SULF2: variants seen among roughly 807,000 people sequenced by gnomAD.
The protein encoded by SULF2 is sulfatase 2.
In SULF2, 52 loss-of-function variants were observed where a neutral mutation model predicts 107.7. The observed-to-expected ratio is 0.48, with a 90% confidence interval of 0.39 to 0.61. The LOEUF (loss-of-function observed/expected upper bound fraction) is 0.61, where lower values mean the gene tolerates loss of function less well. SULF2 is among the 20% of genes least tolerant of loss of function. SULF2 has a pLI of 0.00. For missense variants in SULF2, 993 were observed against 1,177.3 expected (o/e 0.84, Z 2.29); for synonymous variants, 460 against 464.3 (o/e 0.99, Z 0.12).
At chr20:47,741,755 C>T (rs1206016761) in intron 2 of SULF2, among the ~76,000 whole-genome samples, 5 of 152,120 alleles carry the variant, frequency 3.3e-5, no homozygotes, top group Admixed American at 6.5e-5. Context: ...GTCTCCAGAC[C>T]CTGCAGAAAG....
intron 1 of SULF2, among the ~76,000 whole-genome samples, chr20:47,782,562 C>T (rs1224724475): frequency 3.3e-5 from 5 of 152,138 alleles, no homozygotes; most frequent in African/African-American, 1.2e-4. Context: ...ACCCCCAGGG[C>T]CAGGCCATCG....
Position 47,705,808 on chromosome 20 carries a change from T to TC in SULF2, c.416-3139_416-3138insG, listed in dbSNP as rs1415993892. The stretch of plus-strand genomic sequence containing the variant: ...AGAAACCTTTTCTTTTCTTTTCTTT[T>TC]TTTTTTTTTTGAGAGAGGGTCTCGC... On this transcript the variant is annotated intron_variant, in intron 3 of 20. Transcript: ENST00000688720. 1.3e-3 allele frequency among the ~76,000 whole-genome samples: 198 copies of TC among 150,376 alleles called. 1 individual carries two copies. The highest frequency in any genetic ancestry group is 2.4e-3 in the Non-Finnish European group (163 of 67,582).
At chr20:47,730,311 G>A (rs139331555) in intron 3 of SULF2, among the ~76,000 whole-genome samples, 7 of 152,330 alleles carry the variant, frequency 4.6e-5, no homozygotes, top group East Asian at 1.9e-4. Flanking sequence ...AGTCTGGACC[G>A]GATGGCAGAA....
intron 3 of SULF2, chr20:47,706,895 G>C (rs1461827261): frequency 6.6e-6 from 1 of 152,146 alleles, no homozygotes; most frequent in African/African-American, 2.4e-5. Flanking sequence ...TTCTTAATCG[G>C]CTCAGGACCT....
chr20:47,752,845 C>T (rs137857362), intron 2 of SULF2, among the ~76,000 whole-genome samples: 1 of 152,016 alleles, frequency 6.6e-6, no homozygotes, highest in African/African-American at 2.4e-5. Context: ...CTCACGCCTG[C>T]GATCCCAGCA....
chr20:47,746,978 TAAATAAAA>T (rs1181656284), intron 2 of SULF2, among the ~76,000 whole-genome samples: 1 of 51,238 alleles, frequency 2.0e-5, no homozygotes, highest in Non-Finnish European at 4.0e-5. Flanking sequence ...AGAACTTAAA[TAAATAAAA>T]AAAAAAAAAT....
In SULF2 at chr20:47,742,927, A is replaced by ATTTTTTTTTTTTTTTTTTTTTTTTTT. The variant is rs397837137; in HGVS notation, c.176-6011_176-5986dup. 6.0e-5 allele frequency among the ~76,000 whole-genome samples: 6 copies of ATTTTTTTTTTTTTTTTTTTTTTTTTT among 99,452 alleles called. 3 individuals are homozygous for ATTTTTTTTTTTTTTTTTTTTTTTTTT. Among genetic ancestry groups the ATTTTTTTTTTTTTTTTTTTTTTTTTT allele is most frequent in the Non-Finnish European group, 3.9e-5 (2 of 50,786 alleles). The allele number at this position is 99,452 out of a possible 152,430, so 65.2% of individuals were successfully genotyped here. ...AGGGAGTTTCAGGATTCAAAACATG[A>ATTTTTTTTTTTTTTTTTTTTTTTTTT]TTTTTTTTTTTTTTTTTTTTTTTTT... On this transcript the variant is annotated intron_variant, in intron 2 of 20. Transcript: ENST00000688720.
Position 47,784,544 on chromosome 20 carries a change from C to T in SULF2, c.-101+799G>A, listed in dbSNP as rs184682183. On this transcript the variant is annotated intron_variant, in intron 1 of 20. Coordinates refer to ENST00000688720, the MANE Select transcript of SULF2 (RefSeq NM_001387048.1). The stretch of plus-strand genomic sequence containing the variant: ...CAGGCTTCCCTTTCCATCTTCCACC[C>T]CGAGACGGCATCTCTCTACCCTGCT... 1.6e-4 allele frequency among the ~76,000 whole-genome samples: 24 copies of T among 152,202 alleles called. No homozygotes were observed. In the East Asian group the frequency reaches 4.1e-3, roughly 26 times the overall value.
intron 5 of SULF2, 81 bp from the exon 6 acceptor site, chr20:47,684,662 G>T: frequency 1.4e-6 from 2 of 1,461,660 alleles, no homozygotes; most frequent in South Asian, 1.3e-5. Flanking sequence ...CCGCCCGGAT[G>T]AGCAGCCACC....
At position 47,661,627 on chromosome 20, in the gene SULF2, CAG is replaced by C. The variant is rs571987897; in HGVS notation, c.2494+144_2494+145del. On this transcript the variant is annotated intron_variant, in intron 18 of 20. Coordinates refer to ENST00000688720, the MANE Select transcript of SULF2 (RefSeq NM_001387048.1). ...TTAAAGGTCATCTGCCTGCTATGGA[CAG>C]GGGCTCCCATGACTCGTCTGGAACT... is the stretch of plus-strand genomic sequence containing the variant. The C allele has an allele frequency of 8.2e-4, 623 of 764,102 alleles. 3 individuals carry two copies. In the Admixed American group the frequency reaches 0.017, roughly 21 times the overall value. 47.3% of individuals were successfully genotyped at this position (764,102 alleles called of 1,614,324 possible).
chr20:47,725,828 C>T (rs1218067082), intron 3 of SULF2, among the ~76,000 whole-genome samples: 1 of 152,224 alleles, frequency 6.6e-6, no homozygotes, highest in Non-Finnish European at 1.5e-5. Flanking sequence ...GCCCCGCTCC[C>T]GGCCTCGGTG....
At position 47,779,937 on chromosome 20, in the gene SULF2, A is replaced by C. The variant is rs944861046; in HGVS notation, c.-101+5406T>G. ...TCCATTTTATTTAAAATAAAGTCTA[A>C]AATTTCTTAGCATGGCCTGTATTTC... is the stretch of plus-strand genomic sequence containing the variant. On this transcript the variant is annotated intron_variant, in intron 1 of 20. Transcript: ENST00000688720. Among the ~76,000 whole-genome samples the C allele has an allele frequency of 2.6e-5, 4 of 151,774 alleles. No individual in the cohort carries two copies. The East Asian group carries it at 7.8e-4, about 30-fold the overall frequency.
intron 1 of SULF2, among the ~76,000 whole-genome samples, chr20:47,759,875 CAATTTCTTATT>C (rs2090380667): frequency 6.6e-6 from 1 of 152,246 alleles, no homozygotes; most frequent in African/African-American, 2.4e-5. Context: ...CTGCAGCCTG[CAATTTCTTATT>C]TATTGTCCAA....
chr20:47,713,965 G>A (rs560371265), intron 3 of SULF2, among the ~76,000 whole-genome samples: 8 of 152,036 alleles, frequency 5.3e-5, no homozygotes, highest in Non-Finnish European at 1.0e-4. Flanking sequence ...GAGTGTTCAT[G>A]CCGCACAGTG....
At chr20:47,747,829 C>T (rs2090078074) in intron 2 of SULF2, among the ~76,000 whole-genome samples, 1 of 152,044 alleles carries the variant, frequency 6.6e-6, no homozygotes, top group Admixed American at 6.5e-5. Flanking sequence ...GGAGTCATCC[C>T]CGATTCCTCT....
At chr20:47,778,388 C>G (rs998747022) in intron 1 of SULF2, among the ~76,000 whole-genome samples, 1 of 152,256 alleles carries the variant, frequency 6.6e-6, no homozygotes, top group African/African-American at 2.4e-5. Context: ...AAGATTCAAG[C>G]TGGGCCCAGG....
chr20:47,667,015 G>A (rs551727186), intron 11 of SULF2, among the ~76,000 whole-genome samples: 107 of 152,334 alleles, frequency 7.0e-4, no homozygotes, highest in African/African-American at 2.5e-3. Flanking sequence ...TTGTGGGTAC[G>A]GGGTTCCCTT....
intron 3 of SULF2, among the ~76,000 whole-genome samples, chr20:47,728,091 G>A (rs895548502): frequency 6.6e-6 from 1 of 152,204 alleles, no homozygotes; most frequent in Non-Finnish European, 1.5e-5. Context: ...GCTACCTGCT[G>A]TGAGCAGTGG....
rs752790503 is a variant in SULF2, at chr20:47,736,652, G to A, written c.415+51C>T. ...TGGTGTGCAGACCACACCTAGGGAC[G>A]CCCGCCCTGGCTGTCACTCCCTTCC... On this transcript the variant is annotated intron_variant, in intron 3 of 20. Transcript: ENST00000688720. 1.4e-5 allele frequency: 23 copies of A among 1,607,586 alleles called. No individual in the cohort carries two copies. In the African/African-American group the frequency reaches 1.9e-4, roughly 13 times the overall value.
Sources: allele counts gnomAD v4.1 joint callset (sites outside exome capture counted in the v4.1 genomes callset), GRCh38; gene constraint gnomAD v4.1.1; transcripts MANE v1.5; gene names NCBI Gene and HGNC (gene_info 2026-07-23, HGNC 2026-07-21).